TRUB1: variants seen among roughly 807,000 people sequenced by gnomAD.
TRUB1 encodes pseudouridylate synthase TRUB1.
TRUB1 carries 23 observed loss-of-function variants against 33.9 expected under a neutral mutation model. That is an observed-to-expected ratio of 0.68 (90% CI 0.49 to 0.96). The LOEUF (loss-of-function observed/expected upper bound fraction) is 0.96, where lower values mean the gene tolerates loss of function less well. Ranked by LOEUF, TRUB1 falls within the 40% of genes least tolerant of loss-of-function variation. The pLI is 0.00. For missense variants in TRUB1, 378 were observed against 422.2 expected (o/e 0.90, Z 0.92); for synonymous variants, 163 against 165.4 (o/e 0.99, Z 0.11).
chr10:114,947,971 AC>A (rs760180721), intron 2 of TRUB1, among the ~76,000 whole-genome samples: 1 of 152,268 alleles, frequency 6.6e-6, no homozygotes, highest in Non-Finnish European at 1.5e-5. Context: ...AGCTGGAAAT[AC>A]ATGTATAGAG....
At chr10:114,962,590 G>C (rs902675901) in intron 4 of TRUB1, among the ~76,000 whole-genome samples, 5 of 152,214 alleles carry the variant, frequency 3.3e-5, no homozygotes, top group African/African-American at 1.2e-4. Flanking sequence ...TGTGTTTCTA[G>C]TTGTTACAAT....
intron 1 of TRUB1, 41 bp from the exon 2 acceptor site, chr10:114,942,604 G>A: frequency 1.5e-6 from 2 of 1,355,622 alleles, no homozygotes; most frequent in Admixed American, 1.7e-5. Flanking sequence ...TACTTCATTT[G>A]TCTTGGTGAT....
chr10:114,950,832 A>C (rs990436900), intron 2 of TRUB1, among the ~76,000 whole-genome samples: 7 of 152,180 alleles, frequency 4.6e-5, no homozygotes, highest in African/African-American at 7.2e-5. Context: ...TTCATTGTCT[A>C]ATTGGCTGGG....
intron 2 of TRUB1, among the ~76,000 whole-genome samples, chr10:114,948,855 A>G (rs2143020859): frequency 6.6e-6 from 1 of 152,322 alleles, no homozygotes; most frequent in East Asian, 1.9e-4. Flanking sequence ...TGATAAACCT[A>G]CTGTTCTCAT....
intron 3 of TRUB1, among the ~76,000 whole-genome samples, chr10:114,958,852 G>C (rs553118432): frequency 5.1e-4 from 78 of 152,304 alleles, no homozygotes; most frequent in Admixed American, 1.2e-3. Flanking sequence ...ACACATGGCC[G>C]GGCGTGGTGG....
chr10:114,942,862 A>G (rs1457785723), intron 2 of TRUB1, 119 bp downstream of exon 2: 2 of 686,844 alleles, frequency 2.9e-6, no homozygotes, highest in Non-Finnish European at 5.1e-6. Flanking sequence ...GGAATGTTTC[A>G]GATCTACTGG....
chr10:114,965,702 G>A (rs74475451), intron 4 of TRUB1, among the ~76,000 whole-genome samples: 6,380 of 152,114 alleles, frequency 0.042, 188 homozygotes, highest in African/African-American at 0.071. Context: ...TCTTTGTTAG[G>A]AAGGTTTTAA....
intron 2 of TRUB1, among the ~76,000 whole-genome samples, chr10:114,947,947 A>G (rs1336367106): frequency 1.3e-5 from 2 of 152,248 alleles, no homozygotes; most frequent in Non-Finnish European, 2.9e-5. Context: ...GTCTTGTAAG[A>G]TGATCCTACA....
intron 4 of TRUB1, among the ~76,000 whole-genome samples, chr10:114,969,778 A>G (rs1224704467): frequency 7.4e-6 from 1 of 135,638 alleles, no homozygotes; most frequent in African/African-American, 2.9e-5. Flanking sequence ...GAGAAGGGGG[A>G]GGCTGGGGCG....
At chr10:114,968,585 A>T (rs2084321195) in intron 4 of TRUB1, among the ~76,000 whole-genome samples, 1 of 152,218 alleles carries the variant, frequency 6.6e-6, no homozygotes, top group African/African-American at 2.4e-5. Flanking sequence ...CTGTATCATG[A>T]GATACATCTG....
intron 1 of TRUB1, 70 bp from the exon 2 acceptor site, chr10:114,942,575 C>T: frequency 9.4e-7 from 1 of 1,068,432 alleles, no homozygotes; most frequent in Non-Finnish European, 1.4e-6. Context: ...CCCTTTTCCT[C>T]CCAAGTTTAT....
At chr10:114,958,980 C>T (rs2084273480) in intron 3 of TRUB1, among the ~76,000 whole-genome samples, 1 of 151,042 alleles carries the variant, frequency 6.6e-6, no homozygotes, top group Admixed American at 6.6e-5. Flanking sequence ...ACTAAAAATA[C>T]AAAAAATTAG....
chr10:114,941,724 G>T (rs775203278), intron 1 of TRUB1, among the ~76,000 whole-genome samples: 5 of 152,052 alleles, frequency 3.3e-5, no homozygotes, highest in African/African-American at 4.8e-5. Flanking sequence ...GGAAGTTAAG[G>T]TGCAACTTAA....
intron 5 of TRUB1, 129 bp from the exon 6 acceptor site, chr10:114,972,006 C>A: frequency 9.9e-7 from 1 of 1,012,048 alleles, no homozygotes; most frequent in Non-Finnish European, 1.4e-6. Flanking sequence ...GAAGGATTTT[C>A]ATTGTGAAGC....
At chr10:114,970,744 C>T (rs993522840) in intron 5 of TRUB1, among the ~76,000 whole-genome samples, 1 of 152,178 alleles carries the variant, frequency 6.6e-6, no homozygotes, top group African/African-American at 2.4e-5. Context: ...CCAGAGATGT[C>T]TCTTTTCCTA....
chr10:114,975,287 T>C lies in TRUB1; in HGVS notation c.958T>C (p.Ser320Pro). 6.2e-7 allele frequency: 1 copy of C among 1,613,536 alleles called. No homozygotes were observed. Among genetic ancestry groups the C allele is most frequent in the South Asian group, 1.1e-5 (1 of 91,054 alleles). The change falls in exon 8 of 8, where the codon TCA becomes CCA. Residue 320 changes from serine to proline, a missense_variant. Transcript: ENST00000298746. ...LFPAELALKK[S>P]KPESNEQVLS... ...CCCAGCAGAGTTGGCACTTAAAAAA[T>C]CAAAACCTGAGTCTAATGAACAGGT...
chr10:114,962,067 AGCACAC>A (rs1158225908), intron 4 of TRUB1, among the ~76,000 whole-genome samples: 5 of 152,236 alleles, frequency 3.3e-5, no homozygotes, highest in African/African-American at 1.2e-4. Flanking sequence ...TTCATATGTA[AGCACAC>A]AGATATTAGC....
intron 4 of TRUB1, among the ~76,000 whole-genome samples, chr10:114,970,026 A>G (rs1297507657): frequency 6.6e-6 from 1 of 152,194 alleles, no homozygotes; most frequent in Non-Finnish European, 1.5e-5. Context: ...TAATTACTGC[A>G]GGATCATTTC....
At chr10:114,939,475 C>T (rs2084175161) in intron 1 of TRUB1, among the ~76,000 whole-genome samples, 1 of 104,978 alleles carries the variant, frequency 9.5e-6, no homozygotes, top group South Asian at 2.5e-4. Flanking sequence ...TCTGTCTCGC[C>T]ATTAAACCAG....
Sources: allele counts gnomAD v4.1 joint callset (sites outside exome capture counted in the v4.1 genomes callset), GRCh38; gene constraint gnomAD v4.1.1; transcripts MANE v1.5; gene names NCBI Gene and HGNC (gene_info 2026-07-23, HGNC 2026-07-21).